TSEN15: variants seen among roughly 807,000 people sequenced by gnomAD.
The protein encoded by TSEN15 is tRNA splicing endonuclease subunit 15.
TSEN15 carries 10 observed loss-of-function variants against 20.5 expected under a neutral mutation model. The ratio of observed to expected loss-of-function variants is 0.49; its 90% CI spans 0.30 to 0.83. TSEN15 has a LOEUF of 0.83. Among genes scored for constraint, TSEN15 ranks in the 40% least tolerant of loss-of-function variants. The pLI, the probability that TSEN15 is intolerant of heterozygous loss-of-function variation, is 0.06. For synonymous variants in TSEN15, 72 were observed against 80.1 expected (o/e 0.90, Z 0.54); for missense variants, 180 against 218.6 (o/e 0.82, Z 1.11).
chr1:184,054,721 CT>C lies in TSEN15; in HGVS notation c.218-4del. On this transcript the variant is annotated splice_polypyrimidine_tract_variant and splice_region_variant and intron_variant, in intron 2 of 4. Transcript: ENST00000645668. The stretch of plus-strand genomic sequence containing the variant: ...ACATTATTGTCCATTCAATGATGCT[CT>C]TTCAGGCAAAAGCTGGCATGAAGTA... The C allele has an allele frequency of 6.2e-7, 1 of 1,610,572 alleles. No individual in the cohort carries two copies. Among genetic ancestry groups the C allele is most frequent in the Non-Finnish European group, 8.5e-7 (1 of 1,179,330 alleles).
intron 3 of TSEN15, chr1:184,093,632 A>G (rs945552283): frequency 2.0e-5 from 3 of 152,184 alleles, no homozygotes; most frequent in Non-Finnish European, 2.9e-5. Context: ...CAGGAGGAAT[A>G]ATCCATATAT....
chr1:184,076,537 T>A (rs141504714), downstream of TSEN15, among the ~76,000 whole-genome samples: 470 of 152,216 alleles, frequency 3.1e-3, 2 homozygotes, highest in African/African-American at 7.4e-3. Context: ...TAAAAGGTAG[T>A]GTAGTACATC....
chr1:184,071,992 A>G (rs1473382259), intron 3 of TSEN15, 165 bp from the exon 4 acceptor site: 2 of 560,354 alleles, frequency 3.6e-6, no homozygotes, highest in Non-Finnish European at 6.0e-6. Context: ...CTTATTTGAT[A>G]CTATACCAGA....
intron 3 of TSEN15, chr1:184,095,554 G>GA (rs1301346687): frequency 2.5e-6 from 1 of 394,074 alleles, no homozygotes; most frequent in South Asian, 1.4e-4. Context: ...TGAGAGTGGG[G>GA]CCTTAATCCA....
chr1:184,095,556 C>T, intron 3 of TSEN15: 1 of 394,192 alleles, frequency 2.5e-6, no homozygotes, highest in Non-Finnish European at 4.5e-6. Context: ...AGAGTGGGGC[C>T]TTAATCCAAC....
chr1:184,070,582 A>G, intron 3 of TSEN15: 1 of 1,054,104 alleles, frequency 9.5e-7, no homozygotes, highest in Non-Finnish European at 1.3e-6. Context: ...GACAGCCTAT[A>G]AAAATGTATC....
At chr1:184,063,089 G>T (rs1650525240) in intron 3 of TSEN15, among the ~76,000 whole-genome samples, 1 of 152,000 alleles carries the variant, frequency 6.6e-6, no homozygotes, top group South Asian at 2.1e-4. Flanking sequence ...AAGAATAGTG[G>T]ATGGGAGAAT....
chr1:184,072,537 GT>G (rs1200958443), intron 4 of TSEN15: 1 of 547,290 alleles, frequency 1.8e-6, no homozygotes, highest in African/African-American at 2.0e-5. Context: ...GAATTTCATG[GT>G]TTTCCAAAGT....
At chr1:184,060,105 A>G (rs1038190057) in intron 3 of TSEN15, among the ~76,000 whole-genome samples, 14 of 152,222 alleles carry the variant, frequency 9.2e-5, no homozygotes, top group Non-Finnish European at 1.9e-4. Flanking sequence ...CAAATGCTCA[A>G]ATATGTTTGT....
rs1026951455 is a variant in TSEN15, at chr1:184,066,466, G to A, written c.354-5691G>A. ...TGCCCAAGTTGGAGTGGAGTGGCAC[G>A]ATCTCGGCTCACTGCAACCCGGTCC... On this transcript the variant is annotated intron_variant, in intron 3 of 4. Coordinates refer to ENST00000645668, the MANE Select transcript of TSEN15 (RefSeq NM_052965.4). Among the ~76,000 whole-genome samples, 6 of 151,776 alleles carry A rather than the reference G, an allele frequency of 4.0e-5. 1 individual carries two copies. The South Asian group carries it at 1.2e-3, about 32-fold the overall frequency.
chr1:184,080,530 G>C (rs570282565), intron 3 of TSEN15, among the ~76,000 whole-genome samples: 38 of 152,284 alleles, frequency 2.5e-4, no homozygotes, highest in African/African-American at 8.7e-4. Context: ...GTTAGGAAGT[G>C]ATTTTTGGAT....
chr1:184,070,803 G>A lies in TSEN15; in HGVS notation c.354-1354G>A, dbSNP rs138276968. On this transcript the variant is annotated intron_variant, in intron 3 of 4. Coordinates refer to ENST00000645668, the MANE Select transcript of TSEN15 (RefSeq NM_052965.4). ...TCTTTCTCTAAAGTAAATCATTCTT[G>A]TGAATAAGAATCTAGCTAGTTGTAA... is the stretch of plus-strand genomic sequence containing the variant. 900 of 492,578 alleles carry A rather than the reference G, an allele frequency of 1.8e-3. 4 individuals carry two copies. The highest frequency in any genetic ancestry group is 7.4e-3 in the African/African-American group (365 of 49,352). The allele number at this position is 492,578 out of a possible 1,614,324, so 30.5% of individuals were successfully genotyped here.
chr1:184,062,631 T>C (rs1046449064), intron 3 of TSEN15, among the ~76,000 whole-genome samples: 4 of 152,220 alleles, frequency 2.6e-5, no homozygotes, highest in African/African-American at 7.2e-5. Context: ...TCTGTAATAG[T>C]AGTAGTACTA....
chr1:184,061,534 ACT>A (rs1475635469), intron 3 of TSEN15, among the ~76,000 whole-genome samples: 1 of 152,076 alleles, frequency 6.6e-6, no homozygotes, highest in Non-Finnish European at 1.5e-5. Context: ...ACTGAACCAA[ACT>A]CTGTCATTTA....
intron 3 of TSEN15, among the ~76,000 whole-genome samples, chr1:184,055,994 T>C (rs1650238369): frequency 6.6e-6 from 1 of 152,166 alleles, no homozygotes; most frequent in Admixed American, 6.5e-5. Flanking sequence ...AATCTTATCT[T>C]TTAAGGCTGA....
downstream of TSEN15, among the ~76,000 whole-genome samples, chr1:184,075,910 A>ATTTTTTT (rs200324927): frequency 6.1e-4 from 75 of 123,750 alleles, no homozygotes; most frequent in African/African-American, 2.0e-3. Context: ...ATATATATAT[A>ATTTTTTT]TTTTTTTTTT....
At chr1:184,092,329 A>G (rs754081133) in intron 3 of TSEN15, among the ~76,000 whole-genome samples, 6 of 152,220 alleles carry the variant, frequency 3.9e-5, no homozygotes. Flanking sequence ...AAAAATCTCA[A>G]TTTAATAGAT....
intron 3 of TSEN15, among the ~76,000 whole-genome samples, chr1:184,084,990 C>CT (rs1195364801): frequency 0.021 from 3,117 of 146,236 alleles, 98 homozygotes; most frequent in African/African-American, 0.069. Flanking sequence ...GATGATAACA[C>CT]TTTTTTTTTT....
In TSEN15 at chr1:184,073,756, T is replaced by G. The variant is rs942541352; in HGVS notation, c.*909T>G. 1 of 152,414 alleles carries G rather than the reference T, an allele frequency of 6.6e-6. No individual in the cohort carries two copies. The highest frequency in any genetic ancestry group is 2.4e-5 in the African/African-American group (1 of 41,448). The allele number at this position is 152,414 out of a possible 1,614,324, so 9.4% of individuals were successfully genotyped here. On this transcript the variant is annotated 3_prime_UTR_variant, in exon 5 of 5. Transcript: ENST00000645668. ...TCTATAAAGGGCCAGAAAGTAACTATTTTAGGTTTTTAAACCTACTGTCTC... is the reference window on the plus strand; with the variant it reads ...TCTATAAAGGGCCAGAAAGTAACTAGTTTAGGTTTTTAAACCTACTGTCTC...
Sources: gnomAD v4.1 joint callset for allele counts (sites outside exome capture counted in the v4.1 genomes callset) on GRCh38, gnomAD v4.1.1 for gene constraint, MANE v1.5 for transcripts, NCBI Gene and HGNC (gene_info 2026-07-23, HGNC 2026-07-21) for gene names.